SLC39A12: variants seen among roughly 807,000 people sequenced by gnomAD.
SLC39A12 encodes solute carrier family 39 member 12.
SLC39A12 carries 63 observed loss-of-function variants against 71.1 expected under a neutral mutation model. The ratio of observed to expected loss-of-function variants is 0.89; its 90% CI spans 0.72 to 1.09. The LOEUF (loss-of-function observed/expected upper bound fraction) is 1.09. Among genes scored for constraint, SLC39A12 ranks in the 50% least tolerant of loss-of-function variants. The pLI is 0.00. For missense variants in SLC39A12, 892 were observed against 812.6 expected, an observed-to-expected ratio of 1.10 and a Z score of -1.19; for synonymous variants, 351 against 301.3, an observed-to-expected ratio of 1.16 and a Z score of -1.71.
chr10:18,035,498 T>G lies in SLC39A12; in HGVS notation c.1948-7207T>G, dbSNP rs1179180064. 5.4e-5 allele frequency among the ~76,000 whole-genome samples: 8 copies of G among 148,458 alleles called. 1 individual carries two copies. The highest frequency in any genetic ancestry group is 2.0e-4 in the Admixed American group (3 of 14,954). On this transcript the variant is annotated intron_variant, in intron 12 of 12. Coordinates refer to ENST00000377369, the MANE Select transcript of SLC39A12 (RefSeq NM_001145195.2). Reference sequence around the variant, plus strand: ...TCTCGAGCCTTGGTTTTCAGCTCCATCAGCTCCTTTAAGCACTTCTCTGTA... The same window carrying G: ...TCTCGAGCCTTGGTTTTCAGCTCCAGCAGCTCCTTTAAGCACTTCTCTGTA...
rs1168979889 is a variant in SLC39A12, at chr10:18,019,234, G to A, written c.1947+15876G>A. On this transcript the variant is annotated intron_variant, in intron 12 of 12. Transcript: ENST00000377369. ...TCCTTTAATGTCCACAGAATCTGTA[G>A]TGACATCCTCTCTTTGATTTCCAGT... Among the ~76,000 whole-genome samples, 3 of 151,976 alleles carry A rather than the reference G, an allele frequency of 2.0e-5. No homozygotes were observed. In the South Asian group the frequency reaches 6.2e-4, roughly 32 times the overall value.
chr10:17,961,482 T>C (rs1834686788), intron 2 of SLC39A12, 99 bp from the exon 3 acceptor site: 3 of 1,185,944 alleles, frequency 2.5e-6, no homozygotes, highest in South Asian at 3.2e-5. Flanking sequence ...TTTCTGTTTA[T>C]AAAATGATAA....
intron 6 of SLC39A12, among the ~76,000 whole-genome samples, chr10:17,983,692 G>A (rs921775089): frequency 9.9e-5 from 15 of 152,002 alleles, no homozygotes; most frequent in Non-Finnish European, 1.6e-4. Flanking sequence ...TGAGGCAGGA[G>A]AATCATTTGA....
chr10:17,995,779 T>C, intron 10 of SLC39A12, 57 bp downstream of exon 10: 1 of 1,462,322 alleles, frequency 6.8e-7, no homozygotes, highest in South Asian at 1.2e-5. Context: ...CAGTTATGTC[T>C]GTTTTAAAAT....
chr10:17,976,034 A>G (rs954865067), intron 4 of SLC39A12, among the ~76,000 whole-genome samples: 3 of 152,094 alleles, frequency 2.0e-5, no homozygotes, highest in Non-Finnish European at 4.4e-5. Flanking sequence ...CACTGCTGCT[A>G]CTGGGGAGGT....
rs113201169 is a variant in SLC39A12, at chr10:17,974,426, A to C, written c.752-3476A>C. Reference sequence around the variant, plus strand: ...TTCTTGGGAAGGCTTTCCAGATAGTACAAAGGACTTAGGTGTATGATCTAT... The same window carrying C: ...TTCTTGGGAAGGCTTTCCAGATAGTCCAAAGGACTTAGGTGTATGATCTAT... On this transcript the variant is annotated intron_variant, in intron 4 of 12. Coordinates refer to ENST00000377369, the MANE Select transcript of SLC39A12 (RefSeq NM_001145195.2). 8.6e-3 allele frequency among the ~76,000 whole-genome samples: 1,311 copies of C among 152,322 alleles called. 18 individuals carry two copies. Among genetic ancestry groups the C allele is most frequent in the African/African-American group, 0.026 (1,086 of 41,558 alleles).
At chr10:17,956,164 G>A (rs1834542966) in intron 2 of SLC39A12, among the ~76,000 whole-genome samples, 1 of 152,160 alleles carries the variant, frequency 6.6e-6, no homozygotes, top group South Asian at 2.1e-4. Flanking sequence ...ACACGGACAT[G>A]TGTGCTCCCC....
rs782726108 is a variant in SLC39A12, at chr10:17,953,424, C to T, written c.148C>T (p.Leu50Phe). 13 of 1,614,220 alleles carry T rather than the reference C, an allele frequency of 8.1e-6. No individual in the cohort carries two copies. The highest frequency in any genetic ancestry group is 1.1e-5 in the Non-Finnish European group (13 of 1,180,048). Reference sequence around the variant, plus strand: ...CCAACCGGCAGACCTGCTACAGGTTCTCTCTGCTGGTGACCACCCACCCCA... The same window carrying T: ...CCAACCGGCAGACCTGCTACAGGTTTTCTCTGCTGGTGACCACCCACCCCA... Reference protein sequence around the residue: ...SGQPADLLQVLSAGDHPPHNH... With the variant: ...SGQPADLLQVFSAGDHPPHNH... The change falls in exon 2 of 13, where the codon CTC becomes TTC. Residue 50 changes from leucine to phenylalanine, a missense_variant. By Grantham distance (22) the Leu-to-Phe change is conservative. Coordinates refer to ENST00000377369, the MANE Select transcript of SLC39A12 (RefSeq NM_001145195.2).
chr10:18,040,557 G>C (rs1012866165), intron 12 of SLC39A12, among the ~76,000 whole-genome samples: 5 of 152,092 alleles, frequency 3.3e-5, no homozygotes, highest in African/African-American at 1.2e-4. Flanking sequence ...ATCACCTGAG[G>C]TCAGGAGTTC....
intron 12 of SLC39A12, among the ~76,000 whole-genome samples, chr10:18,039,626 G>A (rs1837163886): frequency 1.3e-5 from 2 of 152,144 alleles, no homozygotes; most frequent in South Asian, 4.1e-4. Flanking sequence ...TACCCAGGAG[G>A]CTGAAGTGGG....
chr10:18,025,525 T>C (rs1000159365), intron 12 of SLC39A12, among the ~76,000 whole-genome samples: 8 of 152,170 alleles, frequency 5.3e-5, no homozygotes, highest in African/African-American at 1.7e-4. Flanking sequence ...AGAATGATGG[T>C]TTCCAGCTTC....
At chr10:17,993,126 G>C (rs762197622) in intron 8 of SLC39A12, 55 bp from the exon 9 acceptor site, 27 of 1,309,824 alleles carry the variant, frequency 2.1e-5, no homozygotes, top group Non-Finnish European at 2.9e-5. Context: ...CATTGACAAA[G>C]ACTACACCTG....
At chr10:18,039,385 G>A (rs951490044) in intron 12 of SLC39A12, among the ~76,000 whole-genome samples, 2 of 152,174 alleles carry the variant, frequency 1.3e-5, no homozygotes, top group Non-Finnish European at 1.5e-5. Context: ...GGCCTATGTT[G>A]TCTGGCTTTG....
In SLC39A12 at chr10:17,978,215, A is replaced by G. The variant is rs957184183; in HGVS notation, c.924+141A>G. On this transcript the variant is annotated intron_variant, in intron 5 of 12. Coordinates refer to ENST00000377369, the MANE Select transcript of SLC39A12 (RefSeq NM_001145195.2). ...TAAAAATATTCTAGTTCCACCACGTAGTTACGGTTTTCTTTTTCTACAAGT... is the reference window on the plus strand; with the variant it reads ...TAAAAATATTCTAGTTCCACCACGTGGTTACGGTTTTCTTTTTCTACAAGT... 18 of 655,320 alleles carry G rather than the reference A, an allele frequency of 2.7e-5. No individual in the cohort carries two copies. In the East Asian group the frequency reaches 4.7e-4, roughly 17 times the overall value. 40.6% of individuals were successfully genotyped at this position (655,320 alleles called of 1,614,324 possible).
chr10:17,955,292 G>T (rs1834512457), intron 2 of SLC39A12, among the ~76,000 whole-genome samples: 1 of 152,022 alleles, frequency 6.6e-6, no homozygotes, highest in African/African-American at 2.4e-5. Flanking sequence ...CCATTCCTAG[G>T]ACTTGAAACA....
In SLC39A12 at chr10:18,023,990, A is replaced by T. The variant is rs143524022; in HGVS notation, c.1948-18715A>T. Among the ~76,000 whole-genome samples, 5 of 152,294 alleles carry T rather than the reference A, an allele frequency of 3.3e-5. No individual in the cohort carries two copies. In the East Asian group the frequency reaches 9.7e-4, roughly 29 times the overall value. On this transcript the variant is annotated intron_variant, in intron 12 of 12. Coordinates refer to ENST00000377369, the MANE Select transcript of SLC39A12 (RefSeq NM_001145195.2). ...GTCTTAGACCCTTTGCTCTAACTGC[A>T]GCCTGAGGGCAGAAGGGGTGGGGGC...
chr10:17,996,152 T>C (rs567081406), intron 10 of SLC39A12, among the ~76,000 whole-genome samples: 2 of 152,364 alleles, frequency 1.3e-5, no homozygotes, highest in East Asian at 1.9e-4. Flanking sequence ...CATACTGTCA[T>C]TGAGATGGTA....
chr10:18,022,292 C>T (rs1176370876), intron 12 of SLC39A12, among the ~76,000 whole-genome samples: 3 of 152,134 alleles, frequency 2.0e-5, no homozygotes, highest in East Asian at 3.9e-4. Context: ...TTTACATAAT[C>T]CCGTCTTTCT....
chr10:18,030,618 T>A (rs567358881), intron 12 of SLC39A12, among the ~76,000 whole-genome samples: 2 of 103,240 alleles, frequency 1.9e-5, no homozygotes, highest in African/African-American at 6.1e-5. Flanking sequence ...TTTTATTTAT[T>A]TATGTATTTA....
Sources: gnomAD v4.1 joint callset for allele counts (sites outside exome capture counted in the v4.1 genomes callset) on GRCh38, gnomAD v4.1.1 for gene constraint, MANE v1.5 for transcripts, NCBI Gene and HGNC (gene_info 2026-07-23, HGNC 2026-07-21) for gene names.